The following CENATAC variants were observed in gnomAD, a reference collection of about 807,000 sequenced individuals.
CENATAC encodes the protein centrosomal AT-AC splicing factor.
A neutral mutation model predicts 53.7 loss-of-function variants in CENATAC; 53 were observed. The ratio of observed to expected loss-of-function variants is 0.99; its 90% CI spans 0.79 to 1.24. The LOEUF is 1.24. Among genes scored for constraint, CENATAC ranks in the 50% most tolerant of loss-of-function variants. CENATAC has a pLI of 0.00. For missense variants in CENATAC, 474 were observed against 417.8 expected (o/e 1.13, Z -1.17); for synonymous variants, 156 against 144.6 (o/e 1.08, Z -0.57).
At chr11:119,013,464 T>A (rs1342162615) in intron 8 of CENATAC, among the ~76,000 whole-genome samples, 3 of 66,336 alleles carry the variant, frequency 4.5e-5, no homozygotes, top group African/African-American at 1.4e-4. Flanking sequence ...CCCAGCTAAT[T>A]TTTTTTTTTT....
chr11:118,998,360 G>A (rs1161649251), intron 1 of CENATAC, 43 bp downstream of exon 1: 2 of 1,611,696 alleles, frequency 1.2e-6, no homozygotes, highest in East Asian at 2.2e-5. Context: ...TGCGGGGCAG[G>A]TCAGTGAAGG....
intron 8 of CENATAC, among the ~76,000 whole-genome samples, chr11:119,013,762 CTTTTT>C (rs561450474): frequency 0.012 from 1,672 of 141,070 alleles, 17 homozygotes; most frequent in African/African-American, 0.041. Context: ...CGTGCCCGGA[CTTTTT>C]TTTTTTTTTT....
chr11:119,000,483 A>AT (rs937950880), intron 3 of CENATAC, among the ~76,000 whole-genome samples: 11 of 70,592 alleles, frequency 1.6e-4, no homozygotes, highest in Non-Finnish European at 2.2e-4. Context: ...GGATTTAGTT[A>AT]TTTTTTTCTT....
At chr11:119,008,965 TTGGGTCAAAGTGGC>T (rs377480834) in intron 3 of CENATAC, among the ~76,000 whole-genome samples, 6,513 of 149,896 alleles carry the variant, frequency 0.043, 441 homozygotes, top group African/African-American at 0.15. Flanking sequence ...GAGCTCCAAG[TTGGGTCAAAGTGGC>T]TGGGTCAAAG....
At chr11:119,014,822 G>A (rs918833670) in intron 8 of CENATAC, 172 bp from the exon 9 acceptor site, 13 of 487,284 alleles carry the variant, frequency 2.7e-5, no homozygotes, top group African/African-American at 6.0e-5. Context: ...TGTCACATAT[G>A]GGGTATGTCG....
Position 119,005,596 on chromosome 11 carries a change from CTG to C in CENATAC, c.384-5165_384-5164del, listed in dbSNP as rs1407924653. The C allele has an allele frequency of 3.3e-5, 5 of 152,076 alleles. No homozygotes were observed. The East Asian group carries it at 9.7e-4, about 30-fold the overall frequency. The allele number at this position is 152,076 out of a possible 1,614,324, so 9.4% of individuals were successfully genotyped here. A position where few individuals can be genotyped will look rare whatever the true frequency, so the allele number is the denominator to read the frequency against. ...AAGTGCTGGGACTACAGACAAGCCA[CTG>C]TGCCCAGCCAGCTGCCTAGAAATTT... is the stretch of plus-strand genomic sequence containing the variant. On this transcript the variant is annotated intron_variant, in intron 3 of 10. Coordinates refer to ENST00000334418, the MANE Select transcript of CENATAC (RefSeq NM_198489.3).
chr11:119,011,252 G>A lies in CENATAC; in HGVS notation c.482G>A (p.Ser161Asn), dbSNP rs782016648. ...MAAQIREVEQ[S>N]RQEVVRSVLE... ...GCTCAGATCCGTGAGGTGGAGCAGA[G>A]CCGACAGGAGGTGGTTCGGTCTGTC... The change falls in exon 5 of 11, where the codon AGC (serine) becomes AAC (asparagine). Residue 161 changes from serine (S) to asparagine (N), a missense_variant. By Grantham distance (46) the Ser-to-Asn change is conservative. Coordinates refer to ENST00000334418, the MANE Select transcript of CENATAC (RefSeq NM_198489.3). 1 of 1,614,154 alleles carries A rather than the reference G, an allele frequency of 6.2e-7. No homozygotes were observed. The highest frequency in any genetic ancestry group is 1.7e-5 in the Admixed American group (1 of 60,016).
intron 3 of CENATAC, among the ~76,000 whole-genome samples, chr11:119,009,004 C>T (rs149540832): frequency 0.02 from 2,970 of 152,268 alleles, 90 homozygotes; most frequent in African/African-American, 0.068. Context: ...TGGGACAAAG[C>T]TACAAATCAA....
chr11:119,001,739 G>A (rs1942309147), intron 3 of CENATAC: 1 of 452,616 alleles, frequency 2.2e-6, no homozygotes, highest in Non-Finnish European at 4.5e-6. Flanking sequence ...TTCTCAAAAA[G>A]GAATGCCTAA....
intron 3 of CENATAC, among the ~76,000 whole-genome samples, chr11:119,001,404 T>C (rs949442785): frequency 2.2e-4 from 34 of 152,160 alleles, no homozygotes; most frequent in African/African-American, 7.7e-4. Flanking sequence ...TAACTTTTTT[T>C]TTTTGGAGAG....
chr11:119,010,880 C>T (rs782081793), intron 4 of CENATAC, 50 bp downstream of exon 4: 9 of 1,545,172 alleles, frequency 5.8e-6, no homozygotes, highest in East Asian at 4.5e-5. Flanking sequence ...GGGCTGGTTT[C>T]GTGGAAGACG....
intron 3 of CENATAC, among the ~76,000 whole-genome samples, chr11:119,002,622 G>A (rs972981750): frequency 4.0e-5 from 6 of 151,492 alleles, no homozygotes; most frequent in African/African-American, 1.2e-4. Context: ...ACAGGCATGA[G>A]CCACCACACC....
chr11:118,999,143 G>C (rs373706643), intron 3 of CENATAC, 34 bp downstream of exon 3: 2 of 1,492,748 alleles, frequency 1.3e-6, no homozygotes, highest in Non-Finnish European at 1.9e-6. Context: ...AAGTAGCAGA[G>C]TGAATTCTCT....
rs74886022 is a variant in CENATAC at position 119,004,842 on chromosome 11, T to G, written c.383+5733T>G. 1,037 of 152,762 alleles carry G rather than the reference T, an allele frequency of 6.8e-3. 16 individuals carry two copies. The highest frequency in any genetic ancestry group is 0.026 in the South Asian group (126 of 4,844). 9.5% of individuals were successfully genotyped at this position (152,762 alleles called of 1,614,324 possible). A position where few individuals can be genotyped will look rare whatever the true frequency, so the allele number is the denominator to read the frequency against. On this transcript the variant is annotated intron_variant, in intron 3 of 10. Coordinates refer to ENST00000334418, the MANE Select transcript of CENATAC (RefSeq NM_198489.3). ...TTGGAGGCTGAGACAGAGGATCATTTGAGCCCAGGAGTTTAAGACCAGCCT... is the reference window on the plus strand; with the variant it reads ...TTGGAGGCTGAGACAGAGGATCATTGGAGCCCAGGAGTTTAAGACCAGCCT...
intron 5 of CENATAC, 70 bp from the exon 6 acceptor site, chr11:119,011,869 G>A: frequency 3.0e-6 from 4 of 1,348,974 alleles, no homozygotes; most frequent in Non-Finnish European, 4.2e-6. Context: ...GGGGTCTGGA[G>A]GGTGGAGGCA....
At chr11:119,006,839 A>C (rs1164661770) in intron 3 of CENATAC, among the ~76,000 whole-genome samples, 1 of 152,208 alleles carries the variant, frequency 6.6e-6, no homozygotes, top group Non-Finnish European at 1.5e-5. Flanking sequence ...TGCTGTTCTC[A>C]TGGTAATAAG....
intron 3 of CENATAC, chr11:118,999,374 A>G: frequency 2.7e-6 from 1 of 365,560 alleles, no homozygotes; most frequent in Non-Finnish European, 5.1e-6. Context: ...CACCGAGAAT[A>G]CTAACGTTAG....
At chr11:119,011,034 G>A (rs1942844301) in intron 4 of CENATAC, among the ~76,000 whole-genome samples, 187 bp from the exon 5 acceptor site, 1 of 152,214 alleles carries the variant, frequency 6.6e-6, no homozygotes, top group African/African-American at 2.4e-5. Context: ...GTGCTCCTAT[G>A]AGAATGTAAC....
Position 118,999,121 on chromosome 11 carries a change from G to A in CENATAC, c.383+12G>A, listed in dbSNP as rs1462712269. The A allele has an allele frequency of 1.3e-6, 2 of 1,584,134 alleles. No homozygotes were observed. Among genetic ancestry groups the A allele is most frequent in the South Asian group, 2.2e-5 (2 of 90,458 alleles). ...CAGGATTATGCGCGGTGAGTCACTGGTATGGAACGTGAAGTAGCAGAGTGA... is the reference window on the plus strand; with the variant it reads ...CAGGATTATGCGCGGTGAGTCACTGATATGGAACGTGAAGTAGCAGAGTGA... On this transcript the variant is annotated intron_variant, in intron 3 of 10. Transcript: ENST00000334418.
Sources: gnomAD v4.1 joint callset for allele counts (sites outside exome capture counted in the v4.1 genomes callset) on GRCh38, gnomAD v4.1.1 for gene constraint, MANE v1.5 for transcripts, NCBI Gene and HGNC (gene_info 2026-07-23, HGNC 2026-07-21) for gene names.